The following CEP83 variants were observed in gnomAD, a reference collection of about 807,000 sequenced individuals.
CEP83 encodes centrosomal protein of 83 kDa.
A neutral mutation model predicts 101.9 loss-of-function variants in CEP83; 70 were observed. The ratio of observed to expected loss-of-function variants is 0.69; its 90% confidence interval spans 0.57 to 0.84. The LOEUF is 0.84. CEP83 is among the 40% of genes least tolerant of loss of function. CEP83 has a pLI of 0.00. For synonymous variants in CEP83, 264 were observed against 267.9 expected (o/e 0.99, Z 0.14); for missense variants, 715 against 787.2 (o/e 0.91, Z 1.10).
At chr12:94,369,705 C>T in intron 9 of CEP83, 1 of 357,814 alleles carries the variant, frequency 2.8e-6, no homozygotes, top group Non-Finnish European at 5.0e-6. Context: ...TATCCAATAA[C>T]TATGATAAAA....
chr12:94,277,193 G>C, the CEP83 span: 9 of 151,902 alleles, frequency 5.9e-5, no homozygotes, highest in African/African-American at 2.2e-4. Flanking sequence ...TTCCTGCTGG[G>C]TCCTCACATG....
chr12:94,355,415 C>G (rs2060415808), intron 11 of CEP83, among the ~76,000 whole-genome samples: 1 of 152,062 alleles, frequency 6.6e-6, no homozygotes, highest in African/African-American at 2.4e-5. Flanking sequence ...ATGGCGTGAA[C>G]CCAGGAGGCA....
intron 2 of CEP83, among the ~76,000 whole-genome samples, chr12:94,430,399 G>T (rs2065530823): frequency 6.6e-6 from 1 of 151,460 alleles, no homozygotes; most frequent in Non-Finnish European, 1.5e-5. Context: ...GAATATGAAT[G>T]AGAAATTTAT....
At chr12:94,314,342 A>T (rs1197991154) in intron 14 of CEP83, among the ~76,000 whole-genome samples, 2 of 152,214 alleles carry the variant, frequency 1.3e-5, no homozygotes, top group African/African-American at 4.8e-5. Context: ...CCATGCCAGA[A>T]GGGCCCCTAC....
At chr12:94,309,264 C>G (rs369131612) in intron 16 of CEP83, among the ~76,000 whole-genome samples, 1 of 152,090 alleles carries the variant, frequency 6.6e-6, no homozygotes, top group East Asian at 1.9e-4. Flanking sequence ...AGCACTTGGC[C>G]TGAGATTCAA....
chr12:94,447,149 C>T (rs538360553), intron 1 of CEP83, among the ~76,000 whole-genome samples: 33 of 152,228 alleles, frequency 2.2e-4, no homozygotes, highest in Admixed American at 1.2e-3. Flanking sequence ...GAAGACAAGT[C>T]GCTGCTGTGA....
At chr12:94,405,035 G>A (rs2063460087) in intron 4 of CEP83, among the ~76,000 whole-genome samples, 1 of 152,186 alleles carries the variant, frequency 6.6e-6, no homozygotes, top group Admixed American at 6.5e-5. Context: ...GGAAGAAGAG[G>A]CAGTAAATGG....
the CEP83 span, among the ~76,000 whole-genome samples, chr12:94,284,086 G>GAAA: frequency 2.7e-5 from 3 of 111,644 alleles, no homozygotes; most frequent in Non-Finnish European, 3.9e-5. Context: ...CCATGTCAGG[G>GAAA]GAAAAAAAAA....
rs79068264 is a variant in CEP83 at position 94,375,984 on chromosome 12, G to A, written c.835C>T (p.Arg279Cys). 4.2e-4 allele frequency: 650 copies of A among 1,558,420 alleles called. 4 individuals are homozygous for A. The African/African-American group carries it at 7.1e-3, about 17-fold the overall frequency. Residue 279 changes from arginine to cysteine, a missense_variant, in exon 8 of 17, where the codon CGT becomes TGT. By Grantham distance (180) the Arg-to-Cys change is radical. Transcript: ENST00000397809. ...EKQSANLRAE[R>C]LEKELQSSSE... The stretch of plus-strand genomic sequence containing the variant: ...CTTGATTGTAGCTCTTTTTCCAAAC[G>A]TTCTGCCCGTAAATTAGCTGATTGT...
chr12:94,272,608 C>T, the CEP83 span, among the ~76,000 whole-genome samples: 7 of 152,158 alleles, frequency 4.6e-5, no homozygotes, highest in Admixed American at 3.3e-4. Context: ...CCCTTTTGTT[C>T]GGATCGAAGA....
At chr12:94,458,073 T>G (rs1268686852) in intron 1 of CEP83, among the ~76,000 whole-genome samples, 3 of 151,828 alleles carry the variant, frequency 2.0e-5, no homozygotes, top group African/African-American at 7.3e-5. Context: ...GGCATGCACC[T>G]GTAACCCCAG....
In CEP83 at chr12:94,389,510, T is replaced by C. The variant is rs563402336; in HGVS notation, c.550-10468A>G. Reference sequence around the variant, plus strand: ...ACAATAGGAGACGGTTGGTCCAAGATGGCCAACTAGGAACAGCTCCGGTCT... The same window carrying C: ...ACAATAGGAGACGGTTGGTCCAAGACGGCCAACTAGGAACAGCTCCGGTCT... On this transcript the variant is annotated intron_variant, in intron 6 of 16. Transcript: ENST00000397809. Among the ~76,000 whole-genome samples, 4 of 152,338 alleles carry C rather than the reference T, an allele frequency of 2.6e-5. 1 individual carries two copies. Among genetic ancestry groups the C allele is most frequent in the African/African-American group, 9.6e-5 (4 of 41,586 alleles).
At chr12:94,397,391 G>A (rs539783004) in intron 6 of CEP83, among the ~76,000 whole-genome samples, 287 of 152,144 alleles carry the variant, frequency 1.9e-3, no homozygotes, top group Non-Finnish European at 2.7e-3. Context: ...CCAGCTACTC[G>A]GGAAACTGAG....
chr12:94,402,119 T>C (rs1360666442), intron 5 of CEP83: 3 of 152,214 alleles, frequency 2.0e-5, no homozygotes, highest in Non-Finnish European at 4.4e-5. Context: ...ATTAAGCATT[T>C]AGTCATATTA....
chr12:94,369,774 A>G, intron 9 of CEP83, 148 bp downstream of exon 9: 4 of 541,152 alleles, frequency 7.4e-6, no homozygotes, highest in Non-Finnish European at 1.3e-5. Flanking sequence ...CACTCAACAT[A>G]TAATAAACAT....
intron 11 of CEP83, among the ~76,000 whole-genome samples, chr12:94,338,002 T>A (rs2059523707): frequency 6.6e-6 from 1 of 152,128 alleles, no homozygotes; most frequent in African/African-American, 2.4e-5. Context: ...GTTAATAGGC[T>A]GGAAGAAAAA....
chr12:94,394,737 G>T (rs1204519484), intron 6 of CEP83, among the ~76,000 whole-genome samples: 1 of 151,910 alleles, frequency 6.6e-6, no homozygotes, highest in Non-Finnish European at 1.5e-5. Flanking sequence ...CTGACAAAGG[G>T]CTAATATCCA....
At chr12:94,271,700 C>A in the CEP83 span, among the ~76,000 whole-genome samples, 1 of 152,234 alleles carries the variant, frequency 6.6e-6, no homozygotes. Flanking sequence ...ACATGTACCA[C>A]GTCTAGCCAT....
At position 94,457,091 on chromosome 12, in the gene CEP83, GA is replaced by G. The variant is rs1414055311; in HGVS notation, c.-155+2465del. Among the ~76,000 whole-genome samples the G allele has an allele frequency of 2.6e-5, 4 of 152,158 alleles. No individual in the cohort carries two copies. In the East Asian group the frequency reaches 7.7e-4, roughly 29 times the overall value. On this transcript the variant is annotated intron_variant, in intron 1 of 16. Coordinates refer to ENST00000397809, the MANE Select transcript of CEP83 (RefSeq NM_016122.3). ...AAGGGAATAAGATCAGGTCACGGGG[GA>G]TAGAAAGATATGCAGACTAATATGG... is the stretch of plus-strand genomic sequence containing the variant.
Sources: allele counts gnomAD v4.1 joint callset (sites outside exome capture counted in the v4.1 genomes callset), GRCh38; gene constraint gnomAD v4.1.1; transcripts MANE v1.5; gene names NCBI Gene and HGNC (gene_info 2026-07-23, HGNC 2026-07-21).